Variants in SLC8A3 observed in about 807,000 individuals in gnomAD.
SLC8A3 encodes solute carrier family 8 member A3.
SLC8A3 carries 37 observed loss-of-function variants against 65.4 expected under a neutral mutation model. That is an observed-to-expected ratio of 0.57 (90% confidence interval 0.44 to 0.74). The LOEUF (loss-of-function observed/expected upper bound fraction) is 0.74, where lower values mean the gene tolerates loss of function less well. SLC8A3 is among the 30% of genes least tolerant of loss of function. The pLI is 0.00. For missense variants in SLC8A3, 1,112 were observed against 1,172.1 expected (o/e 0.95, Z 0.75); for synonymous variants, 461 against 444.5 (o/e 1.04, Z -0.47).
intron 1 of SLC8A3, among the ~76,000 whole-genome samples, chr14:70,171,590 C>G (rs1452472089): frequency 6.6e-6 from 1 of 152,178 alleles, no homozygotes; most frequent in African/African-American, 2.4e-5. Flanking sequence ...CACTTGAGGT[C>G]AGGAGTTCAA....
At chr14:70,113,278 C>CAA (rs1457873696) in intron 2 of SLC8A3, among the ~76,000 whole-genome samples, 2 of 152,190 alleles carry the variant, frequency 1.3e-5, no homozygotes, top group Non-Finnish European at 2.9e-5. Flanking sequence ...TCCTAGGTTA[C>CAA]AAACCTGTAC....
intron 2 of SLC8A3, chr14:70,063,850 G>T: frequency 6.2e-7 from 1 of 1,607,836 alleles, no homozygotes; most frequent in Non-Finnish European, 8.5e-7. Context: ...TCCACCATGC[G>T]GGGGCCCATC....
At chr14:70,145,129 A>G (rs1895846431) in intron 2 of SLC8A3, among the ~76,000 whole-genome samples, 1 of 152,252 alleles carries the variant, frequency 6.6e-6, no homozygotes. Context: ...ATGAAAAAGC[A>G]TAATTCTTAT....
chr14:70,054,711 C>G (rs555933251), intron 3 of SLC8A3, among the ~76,000 whole-genome samples: 1 of 152,140 alleles, frequency 6.6e-6, no homozygotes, highest in Non-Finnish European at 1.5e-5. Context: ...GCTGGAGTAA[C>G]TGTGTTTTTT....
chr14:70,103,515 A>G (rs1892664275), intron 2 of SLC8A3, among the ~76,000 whole-genome samples: 1 of 152,076 alleles, frequency 6.6e-6, no homozygotes, highest in Non-Finnish European at 1.5e-5. Flanking sequence ...AGCACAAAGA[A>G]TGGGAGTGTA....
Position 70,166,867 on chromosome 14 carries a change from G to A in SLC8A3, c.1556C>T (p.Ala519Val). ...PRAVLASPCV[A>V]TVTILDDDHA... is the part of the protein sequence containing the mutation. ...GTCATCATCCAAGATGGTAACTGTG[G>A]CCACACAAGGGGAGGCTAGGACAGC... The change falls in exon 2 of 7, where the codon GCC (alanine) becomes GTC (valine). Residue 519 changes from alanine (A) to valine (V), a missense_variant. By Grantham distance (64) the Ala-to-Val change is moderately conservative. Coordinates refer to ENST00000356921, the MANE Select transcript of SLC8A3 (RefSeq NM_182932.3). The A allele has an allele frequency of 6.2e-7, 1 of 1,614,084 alleles. No individual in the cohort carries two copies. Among genetic ancestry groups the A allele is most frequent in the South Asian group, 1.1e-5 (1 of 91,082 alleles).
intron 2 of SLC8A3, among the ~76,000 whole-genome samples, chr14:70,137,580 T>C (rs1016958768): frequency 6.6e-6 from 1 of 152,158 alleles, no homozygotes; most frequent in African/African-American, 2.4e-5. Context: ...AGCACTGTGG[T>C]TATTGAGGTA....
intron 2 of SLC8A3, among the ~76,000 whole-genome samples, chr14:70,123,386 A>G (rs370632476): frequency 6.6e-6 from 1 of 152,072 alleles, no homozygotes; most frequent in East Asian, 1.9e-4. Flanking sequence ...ATAAAGAAAT[A>G]TAATGTTAAT....
At chr14:70,068,958 T>G (rs948730723) in intron 2 of SLC8A3, among the ~76,000 whole-genome samples, 10 of 152,180 alleles carry the variant, frequency 6.6e-5, no homozygotes, top group African/African-American at 2.4e-4. Context: ...GCTCAAGCAA[T>G]CCACTGGCCT....
intron 3 of SLC8A3, chr14:70,055,754 G>T (rs760770782): frequency 1.3e-6 from 2 of 1,582,936 alleles, no homozygotes; most frequent in Non-Finnish European, 8.6e-7. Flanking sequence ...AATGGCACTG[G>T]CAAGAAGTGG....
In SLC8A3 at chr14:70,151,947, G is replaced by T. The variant is rs1371972950; in HGVS notation, c.1784+14692C>A. ...TATAACCTCATCATAACTATTAATG[G>T]TTACACCTGCAAAAGCCCTATTCCC... On this transcript the variant is annotated intron_variant, in intron 2 of 6. Transcript: ENST00000356921. 2.0e-5 allele frequency among the ~76,000 whole-genome samples: 3 copies of T among 151,984 alleles called. No homozygotes were observed. The South Asian group carries it at 6.2e-4, about 32-fold the overall frequency.
chr14:70,136,492 C>T (rs562306970), intron 2 of SLC8A3, among the ~76,000 whole-genome samples: 3 of 152,310 alleles, frequency 2.0e-5, no homozygotes, highest in South Asian at 2.1e-4. Context: ...CAGCTGCACC[C>T]GCTTTTTGGC....
chr14:70,168,538 C>G (rs928842465), intron 1 of SLC8A3, 54 bp from the exon 2 acceptor site: 4 of 740,122 alleles, frequency 5.4e-6, no homozygotes, highest in Admixed American at 5.6e-5. Flanking sequence ...GGACAGCAAA[C>G]GGCAGGTTCC....
chr14:70,056,999 G>A (rs994995488), intron 3 of SLC8A3, among the ~76,000 whole-genome samples: 4 of 152,128 alleles, frequency 2.6e-5, no homozygotes, highest in East Asian at 1.9e-4. Flanking sequence ...CATATTCAAC[G>A]TGTAGTTGGT....
intron 2 of SLC8A3, among the ~76,000 whole-genome samples, chr14:70,163,584 G>A (rs745544022): frequency 2.0e-4 from 30 of 152,144 alleles, no homozygotes; most frequent in South Asian, 1.5e-3. Flanking sequence ...TATCCATTTC[G>A]GTTTCCAGAC....
intron 2 of SLC8A3, among the ~76,000 whole-genome samples, chr14:70,081,069 G>C (rs888404699): frequency 6.6e-6 from 1 of 152,186 alleles, no homozygotes. Context: ...GAAAATTTAT[G>C]TGAAGATGAA....
At chr14:70,164,867 A>G (rs1168454196) in intron 2 of SLC8A3, among the ~76,000 whole-genome samples, 1 of 152,206 alleles carries the variant, frequency 6.6e-6, no homozygotes, top group Non-Finnish European at 1.5e-5. Context: ...CTTCATTTGT[A>G]TGTATAAACA....
rs1171860539 is a variant in SLC8A3 at position 70,046,697 on chromosome 14, G to C, written c.2390-374C>G. ...CCCTGGGAAGCTGCTTGGAGTAGATGCCTGATTTTAACTGTCATATGGGGC... is the reference window on the plus strand; with the variant it reads ...CCCTGGGAAGCTGCTTGGAGTAGATCCCTGATTTTAACTGTCATATGGGGC... On this transcript the variant is annotated intron_variant, in intron 6 of 6. Transcript: ENST00000356921. This position sits in a 1 kb window ranked among gnomAD's most constrained non-coding sequence, Gnocchi z 4.2. The C allele has an allele frequency of 5.3e-6, 1 of 189,462 alleles. No homozygotes were observed. The highest frequency in any genetic ancestry group is 5.4e-5 in the Admixed American group (1 of 18,556). The allele number at this position is 189,462 out of a possible 1,614,324, so 11.7% of individuals were successfully genotyped here. A position where few individuals can be genotyped will look rare whatever the true frequency, so the allele number is the denominator to read the frequency against.
chr14:70,045,872 A>T lies in SLC8A3; in HGVS notation c.*75T>A, dbSNP rs1344680173. The T allele has an allele frequency of 2.9e-6, 4 of 1,391,746 alleles. No individual in the cohort carries two copies. The highest frequency in any genetic ancestry group is 2.9e-6 in the Non-Finnish European group (3 of 1,039,070). 86.2% of individuals were successfully genotyped at this position (1,391,746 alleles called of 1,614,324 possible). Reference sequence around the variant, plus strand: ...CTCTCCAGGGCAGTGCAGTCGGGAGAGATCACTGGTGGGGAAGTGCCCTTC... The same window carrying T: ...CTCTCCAGGGCAGTGCAGTCGGGAGTGATCACTGGTGGGGAAGTGCCCTTC... On this transcript the variant is annotated 3_prime_UTR_variant, in exon 7 of 7. Coordinates refer to ENST00000356921, the MANE Select transcript of SLC8A3 (RefSeq NM_182932.3).
Sources: allele counts gnomAD v4.1 joint callset (sites outside exome capture counted in the v4.1 genomes callset), GRCh38; gene constraint gnomAD v4.1.1; non-coding constraint Gnocchi (gnomAD v3.1); transcripts MANE v1.5; gene names NCBI Gene and HGNC (gene_info 2026-07-23, HGNC 2026-07-21).